IL31RA: variants seen among roughly 807,000 people sequenced by gnomAD.
IL31RA encodes interleukin 31 receptor A.
A neutral mutation model predicts 83.7 loss-of-function variants in IL31RA; 66 were observed. That is an observed-to-expected ratio of 0.79 (90% confidence interval 0.65 to 0.97). The LOEUF is 0.97. Ranked by LOEUF, IL31RA falls within the 50% of genes least tolerant of loss-of-function variation. The probability of loss-of-function intolerance (pLI) is 0.00; values close to 1 mark genes in which losing one functional copy is unlikely to be tolerated. For missense variants in IL31RA, 798 were observed against 919.4 expected (o/e 0.87, Z 1.71); for synonymous variants, 325 against 329.0 (o/e 0.99, Z 0.13).
chr5:55,869,565 C>A (rs1746387912), intron 3 of IL31RA, among the ~76,000 whole-genome samples: 1 of 152,118 alleles, frequency 6.6e-6, no homozygotes, highest in Admixed American at 6.6e-5. Context: ...CCTCCATCTC[C>A]CAGGTTCAAG....
intron 2 of IL31RA, among the ~76,000 whole-genome samples, chr5:55,867,208 TGC>T (rs1215033075): frequency 0.079 from 7,449 of 93,850 alleles, 1,281 homozygotes; most frequent in African/African-American, 0.22. Flanking sequence ...TTTGTGTGTG[TGC>T]GCATGTGTGT....
chr5:55,899,145 C>G (rs1330388699), intron 7 of IL31RA, among the ~76,000 whole-genome samples: 2 of 152,140 alleles, frequency 1.3e-5, no homozygotes, highest in African/African-American at 4.8e-5. Context: ...AAGGAAATTC[C>G]TGAACTGGGA....
Position 55,917,032 on chromosome 5 carries a change from C to G in IL31RA, c.2207C>G (p.Ala736Gly). ...CCAGATCATCTGTGTGAGGAAGGAG[C>G]CCCAAATCCATATTTGAAAAATTCA... is the stretch of plus-strand genomic sequence containing the variant. ...LVPDHLCEEG[A>G]PNPYLKNSVT... The change falls in exon 15 of 15, where the codon GCC becomes GGC. Residue 736 changes from alanine to glycine, a missense_variant. By Grantham distance (60) the Ala-to-Gly change is moderately conservative. Transcript: ENST00000652347. The G allele has an allele frequency of 6.2e-7, 1 of 1,614,168 alleles. No individual in the cohort carries two copies. The highest frequency in any genetic ancestry group is 8.5e-7 in the Non-Finnish European group (1 of 1,180,034).
At chr5:55,916,539 G>A (rs1749789615) in intron 14 of IL31RA, 105 bp from the exon 15 acceptor site, 6 of 921,334 alleles carry the variant, frequency 6.5e-6, no homozygotes, top group Middle Eastern at 3.1e-4. Flanking sequence ...GAAGGTGGGG[G>A]CTGTTCCAGA....
At chr5:55,871,867 C>T (rs1746527880) in intron 3 of IL31RA, among the ~76,000 whole-genome samples, 1 of 140,842 alleles carries the variant, frequency 7.1e-6, no homozygotes, top group Non-Finnish European at 1.5e-5. Context: ...ATGTATTTAA[C>T]AAATCCTTAC....
chr5:55,897,139 C>T (rs567541155), intron 7 of IL31RA, among the ~76,000 whole-genome samples: 12 of 141,950 alleles, frequency 8.5e-5, no homozygotes, highest in African/African-American at 3.2e-4. Context: ...CATGAGCCAC[C>T]ATGCCCAGCC....
chr5:55,915,312 C>T (rs1371056332), intron 14 of IL31RA, among the ~76,000 whole-genome samples: 3 of 152,198 alleles, frequency 2.0e-5, no homozygotes, highest in African/African-American at 7.2e-5. Flanking sequence ...GCACATTAAT[C>T]TAAAGACTGT....
chr5:55,871,839 AT>A (rs1434385326), intron 3 of IL31RA, among the ~76,000 whole-genome samples: 5 of 135,640 alleles, frequency 3.7e-5, no homozygotes, highest in African/African-American at 1.6e-4. Context: ...CTTACATTCT[AT>A]TTATGTATCT....
At chr5:55,842,886 T>C in the IL31RA span, among the ~76,000 whole-genome samples, 6 of 152,206 alleles carry the variant, frequency 3.9e-5, no homozygotes, top group Admixed American at 3.9e-4. Context: ...AATTGTCCAT[T>C]CCAGCCAGTT....
In IL31RA at chr5:55,906,124, T is replaced by C. The variant is rs1749134408; in HGVS notation, c.1088T>C (p.Val363Ala). 6.2e-7 allele frequency: 1 copy of C among 1,613,506 alleles called. No homozygotes were observed. The highest frequency in any genetic ancestry group is 8.5e-7 in the Non-Finnish European group (1 of 1,179,956). ...IQEKSFQCIEVMQACVAEDQL... is the reference protein window; with the variant it reads ...IQEKSFQCIEAMQACVAEDQL... ...CTTTCAGCATTTCAGTGCATTGAGGTCATGCAGGCCTGCGTTGCTGAGGAC... is the reference window on the plus strand; with the variant it reads ...CTTTCAGCATTTCAGTGCATTGAGGCCATGCAGGCCTGCGTTGCTGAGGAC... Residue 363 changes from valine (V) to alanine (A), a missense_variant, in exon 9 of 15, where the codon GTC becomes GCC. By Grantham distance (64) the Val-to-Ala change is moderately conservative (BLOSUM62 0). Transcript: ENST00000652347.
intron 3 of IL31RA, among the ~76,000 whole-genome samples, chr5:55,870,725 G>A (rs1746457369): frequency 6.6e-6 from 1 of 152,190 alleles, no homozygotes; most frequent in South Asian, 2.1e-4. Flanking sequence ...ATCACCAAGA[G>A]GATCTCTTCC....
At position 55,862,381 on chromosome 5, in the gene IL31RA, A is replaced by G. The variant is rs534928928; in HGVS notation, c.154+2782A>G. Among the ~76,000 whole-genome samples the G allele has an allele frequency of 2.3e-4, 35 of 152,288 alleles. No individual in the cohort carries two copies. In the East Asian group the frequency reaches 6.6e-3, roughly 29 times the overall value. On this transcript the variant is annotated intron_variant, in intron 2 of 14. Coordinates refer to ENST00000652347, the MANE Select transcript of IL31RA (RefSeq NM_139017.7). Reference sequence around the variant, plus strand: ...TTATTTGGATTTCACTAGTTTTTCCATGAATGACTTCTTTCTACTTTATTT... The same window carrying G: ...TTATTTGGATTTCACTAGTTTTTCCGTGAATGACTTCTTTCTACTTTATTT...
chr5:55,864,025 A>G (rs1745849276), intron 2 of IL31RA, among the ~76,000 whole-genome samples: 2 of 152,150 alleles, frequency 1.3e-5, no homozygotes, highest in Non-Finnish European at 2.9e-5. Context: ...CAACCAACGC[A>G]AGGGAGAGCA....
chr5:55,840,746 A>C, the IL31RA span, among the ~76,000 whole-genome samples: 1 of 152,200 alleles, frequency 6.6e-6, no homozygotes, highest in Admixed American at 6.5e-5. Context: ...GATTCAGCTC[A>C]AATGTGTATT....
intron 6 of IL31RA, 150 bp downstream of exon 6, chr5:55,890,285 A>G: frequency 1.4e-6 from 1 of 725,606 alleles, no homozygotes; most frequent in Non-Finnish European, 2.5e-6. Flanking sequence ...AGCCTGCACA[A>G]CTTTGTGCCC....
chr5:55,881,716 ATTTTTTTT>A (rs34217814), intron 4 of IL31RA, among the ~76,000 whole-genome samples: 2 of 59,650 alleles, frequency 3.4e-5, no homozygotes, highest in African/African-American at 7.3e-5. Context: ...AGTTCCTGAG[ATTTTTTTT>A]TTTTTTTTTT....
At position 55,890,132 on chromosome 5, in the gene IL31RA, G is replaced by C; in HGVS notation, c.769G>C (p.Glu257Gln). 3 of 1,613,734 alleles carry C rather than the reference G, an allele frequency of 1.9e-6. No homozygotes were observed. Among genetic ancestry groups the C allele is most frequent in the Non-Finnish European group, 1.7e-6 (2 of 1,179,764 alleles). Reference sequence around the variant, plus strand: ...AGAAAAAATGGGAATGACTGAGGAAGAAGGCAAGCTACTCCCTGCGATTCC... The same window carrying C: ...AGAAAAAATGGGAATGACTGAGGAACAAGGCAAGCTACTCCCTGCGATTCC... ...SQEKMGMTEE[E>Q]APCGLELWRV... is the part of the protein sequence containing the mutation. The change falls in exon 6 of 15, where the codon GAA (glutamate) becomes CAA (glutamine). Residue 257 changes from glutamate to glutamine, a missense_variant. Coordinates refer to ENST00000652347, the MANE Select transcript of IL31RA (RefSeq NM_139017.7).
chr5:55,844,422 AG>A, the IL31RA span, among the ~76,000 whole-genome samples: 1 of 152,198 alleles, frequency 6.6e-6, no homozygotes, highest in East Asian at 1.9e-4. Flanking sequence ...AAATAAGTGA[AG>A]GTAAAAGAAA....
intron 4 of IL31RA, among the ~76,000 whole-genome samples, chr5:55,875,388 G>A (rs998830580): frequency 2.6e-5 from 4 of 152,094 alleles, no homozygotes; most frequent in African/African-American, 9.7e-5. Flanking sequence ...GCTGGTAAGT[G>A]TTTCCTCATC....
Sources: allele counts gnomAD v4.1 joint callset (sites outside exome capture counted in the v4.1 genomes callset), GRCh38; gene constraint gnomAD v4.1.1; transcripts MANE v1.5; gene names NCBI Gene and HGNC (gene_info 2026-07-23, HGNC 2026-07-21).